The following TPCN1 variants were observed in gnomAD, a reference collection of about 807,000 sequenced individuals.
The protein encoded by TPCN1 is two pore channel protein 1.
Under a neutral mutation model 108.8 loss-of-function variants are expected in TPCN1, and 52 were observed. That is an observed-to-expected ratio of 0.48 (90% CI 0.38 to 0.60). The LOEUF (loss-of-function observed/expected upper bound fraction) is 0.60. TPCN1 is among the 20% of genes least tolerant of loss of function. The probability of loss-of-function intolerance (pLI) is 0.00; values close to 1 mark genes in which losing one functional copy is unlikely to be tolerated. For synonymous variants in TPCN1, 446 were observed against 433.7 expected, an observed-to-expected ratio of 1.03 and a Z score of -0.35; for missense variants, 806 against 1,072.8, an observed-to-expected ratio of 0.75 and a Z score of 3.47.
chr12:113,221,827 C>G (rs1208967790), intron 1 of TPCN1, among the ~76,000 whole-genome samples: 4 of 152,294 alleles, frequency 2.6e-5, no homozygotes, highest in African/African-American at 9.6e-5. Flanking sequence ...TCTCCTCGCC[C>G]CCGACTTCTT....
At position 113,268,676 on chromosome 12, in the gene TPCN1, T is replaced by C. The variant is rs1211440646; in HGVS notation, c.529-66T>C. The stretch of plus-strand genomic sequence containing the variant: ...TGGGCACTGCCTCTCCAGCCCCCCG[T>C]TCCAGGTATGCAGGATGACGGCTGG... On this transcript the variant is annotated intron_variant, in intron 5 of 27. Transcript: ENST00000335509. The surrounding 1 kb of genome is among the most constrained non-coding windows in gnomAD (Gnocchi z 7.3). 1 of 1,591,302 alleles carries C rather than the reference T, an allele frequency of 6.3e-7. No homozygotes were observed. The highest frequency in any genetic ancestry group is 1.3e-5 in the African/African-American group (1 of 74,554).
intron 15 of TPCN1, among the ~76,000 whole-genome samples, chr12:113,282,358 G>A (rs1955916061): frequency 6.6e-6 from 1 of 151,746 alleles, no homozygotes; most frequent in Non-Finnish European, 1.5e-5. Context: ...CTCCCAAAGT[G>A]CTAGGATTAC....
chr12:113,236,439 G>T (rs1953898239), intron 2 of TPCN1, among the ~76,000 whole-genome samples: 2 of 152,120 alleles, frequency 1.3e-5, no homozygotes, highest in African/African-American at 4.8e-5. Flanking sequence ...AGTAGCAGAA[G>T]ATCAACTATG....
intron 2 of TPCN1, among the ~76,000 whole-genome samples, chr12:113,254,263 T>C (rs1372699420): frequency 6.6e-6 from 1 of 152,150 alleles, no homozygotes; most frequent in Non-Finnish European, 1.5e-5. Flanking sequence ...GAAGAAATAA[T>C]ACCAATTTGA....
chr12:113,235,288 G>T (rs913276771), intron 2 of TPCN1, among the ~76,000 whole-genome samples: 2 of 152,190 alleles, frequency 1.3e-5, no homozygotes, highest in Non-Finnish European at 2.9e-5. Context: ...TTCTTTCCTG[G>T]TGATTCTTTC....
At chr12:113,240,747 CTTT>C (rs112630841) in intron 2 of TPCN1, among the ~76,000 whole-genome samples, 22 of 133,754 alleles carry the variant, frequency 1.6e-4, no homozygotes, top group Admixed American at 1.5e-4. Context: ...CCTGCCCATT[CTTT>C]TTTTTTTTTT....
At chr12:113,227,593 A>G (rs1387402405) in intron 2 of TPCN1, among the ~76,000 whole-genome samples, 1 of 152,136 alleles carries the variant, frequency 6.6e-6, no homozygotes, top group Non-Finnish European at 1.5e-5. Context: ...AGGCCTTGAA[A>G]ACCTTTCTGG....
Position 113,288,649 on chromosome 12 carries a change from C to A in TPCN1, c.1707-109C>A. 1 of 1,554,910 alleles carries A rather than the reference C, an allele frequency of 6.4e-7. No individual in the cohort carries two copies. The highest frequency in any genetic ancestry group is 8.7e-7 in the Non-Finnish European group (1 of 1,154,934). ...AGGCACTTTCCAGTTGGTGAACCGA[C>A]CAGGGGCATGGCCCTGCAGTCAGCC... On this transcript the variant is annotated intron_variant, in intron 20 of 27. Transcript: ENST00000335509. The surrounding 1 kb of genome is among the most constrained non-coding windows in gnomAD (Gnocchi z 4.8).
rs890982513 is a variant in TPCN1 at position 113,269,487 on chromosome 12, G to C, written c.660-270G>C. ...AAGGTCATGCCCTTGGCCTTCTGCT[G>C]CTCTGTTCCCTGCTTGCATGGCACT... On this transcript the variant is annotated intron_variant, in intron 6 of 27. Coordinates refer to ENST00000335509, the MANE Select transcript of TPCN1 (RefSeq NM_017901.6). The surrounding 1 kb of genome is among the most constrained non-coding windows in gnomAD (Gnocchi z 5.0). Among the ~76,000 whole-genome samples the C allele has an allele frequency of 6.6e-6, 1 of 152,120 alleles. No homozygotes were observed. Among genetic ancestry groups the C allele is most frequent in the Non-Finnish European group, 1.5e-5 (1 of 68,014 alleles).
chr12:113,291,698 C>T (rs768886140), intron 24 of TPCN1, 21 bp downstream of exon 24: 17 of 1,611,424 alleles, frequency 1.1e-5, no homozygotes, highest in African/African-American at 2.7e-5. Flanking sequence ...GACCACAGAA[C>T]GCTCTTTGTC....
intron 2 of TPCN1, chr12:113,244,236 A>T: frequency 1.2e-6 from 1 of 868,002 alleles, no homozygotes; most frequent in South Asian, 5.3e-5. Context: ...GACCCGTGGT[A>T]CTGCCCCGTT....
intron 2 of TPCN1, among the ~76,000 whole-genome samples, chr12:113,235,325 T>C (rs1953844088): frequency 6.6e-6 from 1 of 152,208 alleles, no homozygotes; most frequent in African/African-American, 2.4e-5. Context: ...CACATGAGTC[T>C]ATGGAGTGCT....
intron 2 of TPCN1, among the ~76,000 whole-genome samples, chr12:113,256,102 C>T (rs1013175176): frequency 6.6e-6 from 1 of 152,062 alleles, no homozygotes; most frequent in African/African-American, 2.4e-5. Context: ...GGATTATAGG[C>T]ACATGCCACT....
Position 113,226,810 on chromosome 12 carries a change from A to G in TPCN1, c.-43A>G. On this transcript the variant is annotated 5_prime_UTR_variant, in exon 2 of 28. Transcript: ENST00000335509. ...GGGAGCTCAAACCAGAGACTATTTC[A>G]AGCCCTGGATATCATATCCTGAGGG... 1 of 1,613,728 alleles carries G rather than the reference A, an allele frequency of 6.2e-7. No homozygotes were observed. Among genetic ancestry groups the G allele is most frequent in the Non-Finnish European group, 8.5e-7 (1 of 1,179,800 alleles).
At chr12:113,255,810 A>G (rs1174075647) in intron 2 of TPCN1, among the ~76,000 whole-genome samples, 6 of 151,964 alleles carry the variant, frequency 3.9e-5, no homozygotes, top group Admixed American at 3.9e-4. Flanking sequence ...GATTACAGGC[A>G]TGAGCCACTG....
chr12:113,245,069 G>T (rs1313005511), intron 2 of TPCN1, among the ~76,000 whole-genome samples: 2 of 152,070 alleles, frequency 1.3e-5, no homozygotes, highest in Non-Finnish European at 2.9e-5. Context: ...TTCAAGACCA[G>T]ACTGGGGAAC....
At chr12:113,282,675 G>A (rs1034026387) in intron 15 of TPCN1, among the ~76,000 whole-genome samples, 6 of 151,672 alleles carry the variant, frequency 4.0e-5, no homozygotes, top group Non-Finnish European at 8.8e-5. Flanking sequence ...AGGATCACCT[G>A]AGCCTGGGGA....
chr12:113,288,055 C>T lies in TPCN1; in HGVS notation c.1635-108C>T. 9.1e-7 allele frequency: 1 copy of T among 1,103,546 alleles called. No individual in the cohort carries two copies. Among genetic ancestry groups the T allele is most frequent in the Non-Finnish European group, 1.3e-6 (1 of 753,094 alleles). The allele number at this position is 1,103,546 out of a possible 1,614,324, so 68.4% of individuals were successfully genotyped here. ...TGGACGCAGGTGGAGGAGAGGCCCT[C>T]ACCTGTCTTCACCGCATGGCGTGTG... On this transcript the variant is annotated intron_variant, in intron 19 of 27. Coordinates refer to ENST00000335509, the MANE Select transcript of TPCN1 (RefSeq NM_017901.6). This position sits in a 1 kb window ranked among gnomAD's most constrained non-coding sequence, Gnocchi z 4.8.
intron 3 of TPCN1, among the ~76,000 whole-genome samples, chr12:113,262,424 A>T (rs1431512636): frequency 6.6e-6 from 1 of 152,120 alleles, no homozygotes. Context: ...AAAAAAAAAA[A>T]AAAGATTTAA....
Sources: allele counts gnomAD v4.1 joint callset (sites outside exome capture counted in the v4.1 genomes callset), GRCh38; gene constraint gnomAD v4.1.1; non-coding constraint Gnocchi (gnomAD v3.1); transcripts MANE v1.5; gene names NCBI Gene and HGNC (gene_info 2026-07-23, HGNC 2026-07-21).